The following PRKCH variants were observed in gnomAD, a reference collection of about 807,000 sequenced individuals.
PRKCH encodes protein kinase C eta, also known as protein kinase C eta type.
In PRKCH, 28 loss-of-function variants were observed where a neutral mutation model predicts 82.5. The observed-to-expected ratio is 0.34, with a 90% CI of 0.25 to 0.47. The LOEUF (loss-of-function observed/expected upper bound fraction) is 0.47. Ranked by LOEUF, PRKCH falls within the 20% of genes least tolerant of loss-of-function variation. The pLI is 1.00. For missense variants in PRKCH, 705 were observed against 881.8 expected (o/e 0.80, Z 2.54); for synonymous variants, 322 against 327.4 (o/e 0.98, Z 0.18).
At position 61,512,160 on chromosome 14, in the gene PRKCH, CT is replaced by C. The variant is rs1355296149; in HGVS notation, c.1434-16914del. Among the ~76,000 whole-genome samples, 3 of 151,266 alleles carry C rather than the reference CT, an allele frequency of 2.0e-5. No homozygotes were observed. In the East Asian group the frequency reaches 5.8e-4, roughly 29 times the overall value. Reference sequence around the variant, plus strand: ...CAAACTCTACGTGAGCATAGGCTGTCTGGCTCTGGGGATCAGAAGCACTCAG... The same window carrying C: ...CAAACTCTACGTGAGCATAGGCTGTCGGCTCTGGGGATCAGAAGCACTCAG... On this transcript the variant is annotated intron_variant, in intron 10 of 13. Coordinates refer to ENST00000332981, the MANE Select transcript of PRKCH (RefSeq NM_006255.5).
intron 1 of PRKCH, among the ~76,000 whole-genome samples, chr14:61,370,982 A>G (rs1411421951): frequency 1.3e-5 from 2 of 152,074 alleles, no homozygotes; most frequent in Admixed American, 6.5e-5. Context: ...TTACATACAC[A>G]GTCTAGAAAG....
chr14:61,374,442 G>T (rs1566844703), intron 1 of PRKCH, among the ~76,000 whole-genome samples: 1 of 152,068 alleles, frequency 6.6e-6, no homozygotes, highest in East Asian at 1.9e-4. Context: ...TTTCCCCTTT[G>T]CAGTGCCCTC....
chr14:61,330,286 C>T (rs1047608239), intron 1 of PRKCH, among the ~76,000 whole-genome samples: 2 of 152,210 alleles, frequency 1.3e-5, no homozygotes, highest in African/African-American at 4.8e-5. Flanking sequence ...TGACTGTGAA[C>T]AGTCTTTGCT....
chr14:61,256,028 C>T (rs146700232), intron 1 of PRKCH, among the ~76,000 whole-genome samples: 2 of 152,202 alleles, frequency 1.3e-5, no homozygotes, highest in East Asian at 1.9e-4. Flanking sequence ...AGTTTAGTGG[C>T]GCGAGTCTGG....
At chr14:61,318,512 G>A (rs111593907), upstream of PRKCH, among the ~76,000 whole-genome samples, 4 of 151,766 alleles carry the variant, frequency 2.6e-5, no homozygotes, top group African/African-American at 9.7e-5. Context: ...GTCTCATGCC[G>A]TTTCTTAACT....
rs112829436 is a variant in PRKCH at position 61,449,316 on chromosome 14, C to A, written c.702+64C>A. The A allele has an allele frequency of 2.2e-6, 3 of 1,373,518 alleles. No homozygotes were observed. The Admixed American group carries it at 5.2e-5, about 24-fold the overall frequency. The allele number at this position is 1,373,518 out of a possible 1,614,324, so 85.1% of individuals were successfully genotyped here. A position where few individuals can be genotyped will look rare whatever the true frequency, so the allele number is the denominator to read the frequency against. ...TATTGTGTATGCTGTGTACCGCCGT[C>A]TCTCTCCCTCCCTCCCTCCTTTCCT... is the stretch of plus-strand genomic sequence containing the variant. On this transcript the variant is annotated intron_variant, in intron 5 of 13. Coordinates refer to ENST00000332981, the MANE Select transcript of PRKCH (RefSeq NM_006255.5).
At chr14:61,220,766 AAATT>A (rs1291898695) in intron 1 of PRKCH, among the ~76,000 whole-genome samples, 1 of 152,254 alleles carries the variant, frequency 6.6e-6, no homozygotes, top group African/African-American at 2.4e-5. Context: ...AGTTAGCTAA[AAATT>A]AACATGATGA....
intron 10 of PRKCH, among the ~76,000 whole-genome samples, chr14:61,499,630 G>T (rs547671583): frequency 2.0e-5 from 3 of 152,048 alleles, no homozygotes; most frequent in African/African-American, 4.8e-5. Flanking sequence ...ACTGTGTTCC[G>T]CTGACAAAAT....
At chr14:61,480,529 T>A (rs1288317101) in intron 9 of PRKCH, among the ~76,000 whole-genome samples, 2 of 152,224 alleles carry the variant, frequency 1.3e-5, no homozygotes, top group African/African-American at 4.8e-5. Flanking sequence ...TTGGAATTAA[T>A]TTTGCTGGAG....
chr14:61,221,888 C>T (rs988224574), intron 1 of PRKCH, among the ~76,000 whole-genome samples: 1 of 152,188 alleles, frequency 6.6e-6, no homozygotes, highest in Admixed American at 6.5e-5. Context: ...GCATATTTCC[C>T]TAAGTGACTT....
intron 12 of PRKCH, among the ~76,000 whole-genome samples, chr14:61,542,927 C>T (rs141139205): frequency 4.3e-4 from 66 of 152,154 alleles, no homozygotes; most frequent in Admixed American, 3.1e-3. Flanking sequence ...TTATGCCAGG[C>T]GCTTTACGTT....
chr14:61,408,625 T>C (rs989534224), intron 2 of PRKCH, among the ~76,000 whole-genome samples: 3 of 152,086 alleles, frequency 2.0e-5, no homozygotes, highest in Admixed American at 6.5e-5. Flanking sequence ...GCTGCAAAGG[T>C]TACATGAGCT....
chr14:61,431,594 TTC>T (rs1883400222), intron 2 of PRKCH, among the ~76,000 whole-genome samples: 1 of 151,894 alleles, frequency 6.6e-6, no homozygotes, highest in Non-Finnish European at 1.5e-5. Flanking sequence ...GGATTTTTTT[TTC>T]TTTTTAGAGT....
chr14:61,356,513 T>G (rs1247873252), intron 1 of PRKCH, among the ~76,000 whole-genome samples: 1 of 152,192 alleles, frequency 6.6e-6, no homozygotes, highest in Non-Finnish European at 1.5e-5. Flanking sequence ...GCTTTGACAA[T>G]GGCATATTTT....
chr14:61,266,440 T>C (rs2045101910), intron 1 of PRKCH, among the ~76,000 whole-genome samples: 1 of 151,886 alleles, frequency 6.6e-6, no homozygotes, highest in Admixed American at 6.6e-5. Context: ...AATAAATAAA[T>C]ACATAAATAA....
intron 1 of PRKCH, among the ~76,000 whole-genome samples, chr14:61,230,825 A>G (rs1331147009): frequency 6.6e-6 from 1 of 152,228 alleles, no homozygotes; most frequent in Non-Finnish European, 1.5e-5. Context: ...TCCAAATTTC[A>G]TACCAGAGGA....
chr14:61,288,461 G>C (rs1268526961), intron 1 of PRKCH, among the ~76,000 whole-genome samples: 1 of 152,100 alleles, frequency 6.6e-6, no homozygotes, highest in South Asian at 2.1e-4. Flanking sequence ...CCTTGGCCCA[G>C]CACCCTAGGA....
intron 1 of PRKCH, among the ~76,000 whole-genome samples, chr14:61,264,163 C>T (rs1283595916): frequency 1.3e-5 from 2 of 152,102 alleles, no homozygotes; most frequent in Non-Finnish European, 2.9e-5. Flanking sequence ...GTGCCTGCTG[C>T]TAGCAGTTAC....
At chr14:61,263,064 G>A (rs1229947829) in intron 1 of PRKCH, among the ~76,000 whole-genome samples, 1 of 151,934 alleles carries the variant, frequency 6.6e-6, no homozygotes, top group East Asian at 1.9e-4. Context: ...TTATTTAGTT[G>A]ACTACTTATT....
Sources: allele counts gnomAD v4.1 joint callset (sites outside exome capture counted in the v4.1 genomes callset), GRCh38; gene constraint gnomAD v4.1.1; transcripts MANE v1.5; gene names NCBI Gene and HGNC (gene_info 2026-07-23, HGNC 2026-07-21).